Variants in OFD1 observed in about 807,000 individuals in gnomAD.
OFD1 encodes OFD1 centriole and centriolar satellite protein.
OFD1 carries 12 observed loss-of-function variants against 81.4 expected under a neutral mutation model. The observed-to-expected ratio is 0.15, with a 90% CI of 0.09 to 0.24. The LOEUF is 0.24. Among genes scored for constraint, OFD1 ranks in the 10% least tolerant of loss-of-function variants. The probability of loss-of-function intolerance (pLI) is 1.00; values close to 1 mark genes in which losing one functional copy is unlikely to be tolerated. For synonymous variants in OFD1, 256 were observed against 263.7 expected, an observed-to-expected ratio of 0.97 and a Z score of 0.28; for missense variants, 685 against 733.9, an observed-to-expected ratio of 0.93 and a Z score of 0.77.
In OFD1 at chrX:13,758,388, G is replaced by A. The variant is rs780521580; in HGVS notation, c.1594G>A (p.Val532Ile). 4 of 1,208,878 alleles carry A rather than the reference G, an allele frequency of 3.3e-6. No individual in the cohort carries two copies. In the South Asian group the frequency reaches 5.3e-5, roughly 16 times the overall value. ...CCAGATTCTAGGTTACAAAGCTTCT[G>A]TAAAGAGTTTAACTACTCAGGTTGC... Reference protein sequence around the residue: ...KAQILGYKASVKSLTTQVADL... With the variant: ...KAQILGYKASIKSLTTQVADL... Residue 532 changes from valine (V) to isoleucine (I), a missense_variant, in exon 15 of 23, where the codon GTA becomes ATA. Val to Ile is a conservative substitution (Grantham distance 29). Around this residue, in one of 3 missense-constraint regions of OFD1, gnomAD observed 414 missense variants for 447.2 expected, o/e 0.93. Coordinates refer to ENST00000340096, the MANE Select transcript of OFD1 (RefSeq NM_003611.3).
the OFD1 span, among the ~76,000 whole-genome samples, chrX:13,724,041 T>C: frequency 8.1e-5 from 9 of 111,000 alleles, no homozygotes; most frequent in South Asian, 3.4e-3. Flanking sequence ...CTTGACAGCT[T>C]TGAAAATGAA....
chrX:13,747,869 CAG>C (rs756012056), intron 8 of OFD1, among the ~76,000 whole-genome samples: 1 of 111,512 alleles, frequency 9.0e-6, no homozygotes, highest in East Asian at 2.8e-4. Flanking sequence ...GGACAGGAGA[CAG>C]AGAGGGTGAG....
intron 6 of OFD1, among the ~76,000 whole-genome samples, chrX:13,745,644 T>TC (rs2146964596): frequency 8.9e-6 from 1 of 112,216 alleles, no homozygotes; most frequent in East Asian, 2.8e-4. Flanking sequence ...CCAGCCTTTT[T>TC]CCCCTCTGTG....
At chrX:13,763,707 A>C (rs370492355) in intron 18 of OFD1, 38 bp from the exon 19 acceptor site, 3 of 1,071,105 alleles carry the variant, frequency 2.8e-6, no homozygotes, top group Non-Finnish European at 3.9e-6. Flanking sequence ...TCTTGGTGTT[A>C]TTATTAAGGA....
chrX:13,736,270 A>G, intron 2 of OFD1: 2 of 1,024,214 alleles, frequency 2.0e-6, no homozygotes, highest in South Asian at 5.8e-5. Context: ...CTTTTTCTAG[A>G]ACCCACTGGA....
chrX:13,764,238 A>G lies in OFD1; in HGVS notation c.2599+383A>G, dbSNP rs149817063. ...TGGGAAATCACAGTGAAAAATTGAA[A>G]TAATAATTAACTCCCAGCATATATC... On this transcript the variant is annotated intron_variant, in intron 19 of 22. Transcript: ENST00000340096. 3.4e-3 allele frequency among the ~76,000 whole-genome samples: 381 copies of G among 112,650 alleles called. 1 individual carries two copies. The highest frequency in any genetic ancestry group is 5.6e-3 in the Non-Finnish European group (297 of 53,303).
the OFD1 span, among the ~76,000 whole-genome samples, chrX:13,728,095 G>A: frequency 1.8e-5 from 2 of 111,662 alleles, no homozygotes; most frequent in South Asian, 7.4e-4. Flanking sequence ...TTCTGAAATC[G>A]AGGCAATAAT....
rs2047901469 is a variant in OFD1 at position 13,760,842 on chromosome X, G to C, written c.2260+122G>C. 1.6e-5 allele frequency: 15 copies of C among 932,551 alleles called. 1 individual carries two copies. The highest frequency in any genetic ancestry group is 2.7e-4 in the Middle Eastern group (1 of 3,679). The allele number at this position is 932,551 out of a possible 1,213,427, so 76.9% of individuals were successfully genotyped here. ...GGCAAGGTCTAGTGTTTGGCACACA[G>C]AGCTGTTTAGAGAGTGATAGTTGCC... On this transcript the variant is annotated intron_variant, in intron 16 of 22. Coordinates refer to ENST00000340096, the MANE Select transcript of OFD1 (RefSeq NM_003611.3).
At chrX:13,734,285 G>A (rs1396836212), upstream of OFD1, 4 of 361,791 alleles carry the variant, frequency 1.1e-5, no homozygotes, top group Non-Finnish European at 1.9e-5. Flanking sequence ...CAGTGCAGCC[G>A]TTAAGAAACC....
Position 13,761,984 on chromosome X carries a change from C to G in OFD1, c.2388-360C>G, listed in dbSNP as rs370333094. ...ACATATGCTGAGTTAGGGCGCTTTG[C>G]TCACTCAAGGTTGTGGTGTTGCATC... is the stretch of plus-strand genomic sequence containing the variant. On this transcript the variant is annotated intron_variant, in intron 17 of 22. Transcript: ENST00000340096. Among the ~76,000 whole-genome samples, 4 of 99,746 alleles carry G rather than the reference C, an allele frequency of 4.0e-5. No individual in the cohort carries two copies. The East Asian group carries it at 1.3e-3, about 32-fold the overall frequency. The allele number at this position is 99,746 out of a possible 115,157, so 86.6% of individuals were successfully genotyped here.
chrX:13,726,750 A>G, the OFD1 span, among the ~76,000 whole-genome samples: 1 of 112,028 alleles, frequency 8.9e-6, no homozygotes, highest in African/African-American at 3.2e-5. Context: ...AAATTCACAC[A>G]TAACAATATT....
chrX:13,716,684 T>A, the OFD1 span: 1 of 1,211,003 alleles, frequency 8.3e-7, no homozygotes, highest in Non-Finnish European at 1.1e-6. Flanking sequence ...TCGTCCTAGA[T>A]GACAGTGTGA....
chrX:13,735,115 TAA>T (rs747987562), intron 1 of OFD1, 32 bp downstream of exon 1: 17 of 1,206,230 alleles, frequency 1.4e-5, no homozygotes, highest in Admixed American at 1.3e-4. Context: ...CGGGCGGAAA[TAA>T]AGTCTTGTTT....
At position 13,760,029 on chromosome X, in the gene OFD1, A is replaced by G. The variant is rs2047866627; in HGVS notation, c.1655-86A>G. The stretch of plus-strand genomic sequence containing the variant: ...AAGTTTGTCCTTATTACTCTCTTCC[A>G]TTTTTCAAAAAAATAATATTCTCAA... On this transcript the variant is annotated intron_variant, in intron 15 of 22. Transcript: ENST00000340096. The G allele has an allele frequency of 3.6e-5, 41 of 1,151,429 alleles. No individual in the cohort carries two copies. In the South Asian group the frequency reaches 7.3e-4, roughly 20 times the overall value. 94.9% of individuals were successfully genotyped at this position (1,151,429 alleles called of 1,213,427 possible).
chrX:13,756,649 T>G lies in OFD1; in HGVS notation c.1293T>G (p.Val431=), dbSNP rs1460137764. ...TKQNHMLNEK[V]KEMSDYSLLK... Reference sequence around the variant, plus strand: ...AAAACCATATGCTGAATGAAAAGGTTAAAGAGATGAGTGATTATTCACTAC... The same window carrying G: ...AAAACCATATGCTGAATGAAAAGGTGAAAGAGATGAGTGATTATTCACTAC... Residue 431 remains valine (V), a synonymous_variant, in exon 13 of 23, where the codon GTT becomes GTG. Coordinates refer to ENST00000340096, the MANE Select transcript of OFD1 (RefSeq NM_003611.3). 1.7e-6 allele frequency: 2 copies of G among 1,203,058 alleles called. No individual in the cohort carries two copies. Among genetic ancestry groups the G allele is most frequent in the East Asian group, 5.9e-5 (2 of 33,793 alleles).
At chrX:13,736,847 T>C (rs1369728067) in intron 3 of OFD1, among the ~76,000 whole-genome samples, 169 bp downstream of exon 3, 4 of 112,480 alleles carry the variant, frequency 3.6e-5, no homozygotes, top group Non-Finnish European at 7.5e-5. Flanking sequence ...AACAAGTGGG[T>C]ACTAAATTTG....
At chrX:13,768,278 G>T (rs931043621) in intron 21 of OFD1, 54 bp downstream of exon 21, 1 of 942,562 alleles carries the variant, frequency 1.1e-6, no homozygotes, top group Admixed American at 2.2e-5. Context: ...CAGGGCTTCC[G>T]TGGCTTAACT....
intron 12 of OFD1, among the ~76,000 whole-genome samples, chrX:13,755,990 G>A (rs1294303470): frequency 5.4e-5 from 3 of 55,303 alleles, no homozygotes; most frequent in Middle Eastern, 0.019. Context: ...TTGTTCTTTC[G>A]CCCAGGCTGG....
At chrX:13,730,509 C>T (rs773868955), upstream of OFD1, among the ~76,000 whole-genome samples, 2 of 111,627 alleles carry the variant, frequency 1.8e-5, no homozygotes, top group African/African-American at 6.5e-5. Flanking sequence ...GACAGTGTGG[C>T]GATTCCTCAA....
Sources: allele counts gnomAD v4.1 joint callset (sites outside exome capture counted in the v4.1 genomes callset), GRCh38; gene constraint gnomAD v4.1.1; regional missense constraint gnomAD v4.1.1; transcripts MANE v1.5; gene names NCBI Gene and HGNC (gene_info 2026-07-23, HGNC 2026-07-21).